The following CHD6 variants were observed in gnomAD, a reference collection of about 807,000 sequenced individuals.
CHD6 encodes the protein ATP-dependent chromatin remodeler CHD6.
CHD6 carries 50 observed loss-of-function variants against 276.9 expected under a neutral mutation model. That is an observed-to-expected ratio of 0.18 (90% CI 0.14 to 0.23). The LOEUF (loss-of-function observed/expected upper bound fraction) is 0.23, where lower values mean the gene tolerates loss of function less well. Ranked by LOEUF, CHD6 falls within the 10% of genes least tolerant of loss-of-function variation. The pLI, the probability that CHD6 is intolerant of heterozygous loss-of-function variation, is 1.00. For missense variants in CHD6, 2,564 were observed against 3,365.8 expected, an observed-to-expected ratio of 0.76 and a Z score of 5.89; for synonymous variants, 1,173 against 1,229.3, an observed-to-expected ratio of 0.95 and a Z score of 0.96.
chr20:41,616,481 G>T (rs2045935660), intron 1 of CHD6, among the ~76,000 whole-genome samples: 1 of 152,144 alleles, frequency 6.6e-6, no homozygotes. Context: ...CTATGGTCTG[G>T]TTACTATTAG....
At position 41,412,263 on chromosome 20, in the gene CHD6, T is replaced by C; in HGVS notation, c.7132A>G (p.Asn2378Asp). The C allele has an allele frequency of 6.2e-7, 1 of 1,614,098 alleles. No individual in the cohort carries two copies. The highest frequency in any genetic ancestry group is 8.5e-7 in the Non-Finnish European group (1 of 1,180,008). The change falls in exon 36 of 37, where the codon AAT (asparagine) becomes GAT (aspartate). Residue 2378 changes from asparagine to aspartate, a missense_variant and splice_region_variant. Around this residue, in one of 7 missense-constraint regions of CHD6, gnomAD observed 1,024 missense variants for 1,047.9 expected, o/e 0.98. Transcript: ENST00000373233. ...CTCTGCTTTGGTTTGTCTGAAAAAT[T>C]CTAGGATGAAAACGGAGACCAATAT... ...YSLEVPGFGA[N>D]FSDKPKQRRP...
At chr20:41,424,141 T>G (rs2047286233) in intron 29 of CHD6, among the ~76,000 whole-genome samples, 1 of 152,212 alleles carries the variant, frequency 6.6e-6, no homozygotes, top group Non-Finnish European at 1.5e-5. Flanking sequence ...GACCATTAAA[T>G]TCAACCTCCT....
intron 1 of CHD6, among the ~76,000 whole-genome samples, chr20:41,588,305 GC>G (rs1356760872): frequency 1.3e-5 from 2 of 152,174 alleles, no homozygotes; most frequent in African/African-American, 4.8e-5. Flanking sequence ...CATCTGAGTT[GC>G]GCTGGCACTG....
chr20:41,548,188 C>T (rs1272778652), intron 2 of CHD6, among the ~76,000 whole-genome samples: 1 of 152,202 alleles, frequency 6.6e-6, no homozygotes, highest in African/African-American at 2.4e-5. Flanking sequence ...GGCCTACCAT[C>T]AGTATTTATA....
Position 41,425,163 on chromosome 20 carries a change from G to A in CHD6, c.4346+15C>T, listed in dbSNP as rs369431708. 5.0e-6 allele frequency: 8 copies of A among 1,610,028 alleles called. No individual in the cohort carries two copies. The highest frequency in any genetic ancestry group is 6.8e-6 in the Non-Finnish European group (8 of 1,176,400). ...GTGGGTGGCTGAGCATGCCCCTTTG[G>A]CCACTGGCTTTTACCTCTTTTGGGC... On this transcript the variant is annotated intron_variant, in intron 29 of 36. Coordinates refer to ENST00000373233, the MANE Select transcript of CHD6 (RefSeq NM_032221.5).
At chr20:41,596,458 G>A (rs2045718491) in intron 1 of CHD6, among the ~76,000 whole-genome samples, 1 of 151,996 alleles carries the variant, frequency 6.6e-6, no homozygotes, top group African/African-American at 2.4e-5. Context: ...CTTTTCGAGG[G>A]AGGAAAGAAC....
At chr20:41,557,423 T>A (rs1389050863) in intron 1 of CHD6, among the ~76,000 whole-genome samples, 2 of 152,034 alleles carry the variant, frequency 1.3e-5, no homozygotes, top group African/African-American at 2.4e-5. Context: ...TTTTTTTTTT[T>A]AAATTACTAT....
At chr20:41,553,437 AT>A (rs1478397441) in intron 1 of CHD6, among the ~76,000 whole-genome samples, 1 of 152,236 alleles carries the variant, frequency 6.6e-6, no homozygotes, top group Non-Finnish European at 1.5e-5. Context: ...CTCATAGCCT[AT>A]GCCCATTCCT....
At chr20:41,436,805 G>C (rs2047723731) in intron 27 of CHD6, among the ~76,000 whole-genome samples, 1 of 152,140 alleles carries the variant, frequency 6.6e-6, no homozygotes, top group South Asian at 2.1e-4. Flanking sequence ...TTCTTAAAAT[G>C]ACGAAATCAT....
At chr20:41,410,718 A>C (rs944197785) in intron 36 of CHD6, among the ~76,000 whole-genome samples, 5 of 152,152 alleles carry the variant, frequency 3.3e-5, no homozygotes, top group Non-Finnish European at 7.4e-5. Context: ...TTTCTGGCAA[A>C]GGGTCAGCAT....
chr20:41,543,593 A>G (rs910051806), intron 2 of CHD6, among the ~76,000 whole-genome samples: 3 of 152,218 alleles, frequency 2.0e-5, no homozygotes, highest in Non-Finnish European at 4.4e-5. Flanking sequence ...TTAAGTGGAC[A>G]TATATTAAAT....
intron 1 of CHD6, among the ~76,000 whole-genome samples, chr20:41,600,155 G>A (rs1437428311): frequency 6.6e-6 from 1 of 152,114 alleles, no homozygotes; most frequent in Non-Finnish European, 1.5e-5. Context: ...TTGATGGCAG[G>A]AACTGTATTT....
chr20:41,484,927 A>T (rs2043376722), intron 14 of CHD6, among the ~76,000 whole-genome samples: 1 of 152,190 alleles, frequency 6.6e-6, no homozygotes, highest in South Asian at 2.1e-4. Flanking sequence ...TCTCTAATAC[A>T]CACACCACAT....
intron 1 of CHD6, among the ~76,000 whole-genome samples, chr20:41,602,826 T>G (rs1192911597): frequency 6.6e-6 from 1 of 152,010 alleles, no homozygotes; most frequent in Non-Finnish European, 1.5e-5. Context: ...GATCTACAGG[T>G]GCACACCACC....
chr20:41,509,367 T>G (rs1321310511), intron 5 of CHD6, among the ~76,000 whole-genome samples: 2 of 152,150 alleles, frequency 1.3e-5, no homozygotes, highest in Non-Finnish European at 2.9e-5. Context: ...AATCCTACAC[T>G]AACATAACTC....
Position 41,473,367 on chromosome 20 carries a change from G to A in CHD6, c.2619C>T (p.Thr873=), listed in dbSNP as rs1318987142. 2 of 1,614,070 alleles carry A rather than the reference G, an allele frequency of 1.2e-6. No homozygotes were observed. Among genetic ancestry groups the A allele is most frequent in the Non-Finnish European group, 8.5e-7 (1 of 1,179,990 alleles). The stretch of plus-strand genomic sequence containing the variant: ...TCCAGTCAGAATCAAATATGATGCA[G>A]GTATCAGCAGCTGTGAGATTGATCC... The part of the protein sequence containing the change: ...GLGINLTAAD[T]CIIFDSDWNP... The change falls in exon 17 of 37, where the codon ACC becomes ACT. Residue 873 remains threonine (T), a synonymous_variant. Transcript: ENST00000373233. This position sits in a 1 kb window ranked among gnomAD's most constrained non-coding sequence, Gnocchi z 4.1.
At chr20:41,604,902 G>T (rs2146293837) in intron 1 of CHD6, among the ~76,000 whole-genome samples, 1 of 152,218 alleles carries the variant, frequency 6.6e-6, no homozygotes, top group Non-Finnish European at 1.5e-5. Context: ...CAGGATCCTT[G>T]ACTGGATCCT....
intron 3 of CHD6, among the ~76,000 whole-genome samples, chr20:41,525,937 C>T (rs1472295350): frequency 6.6e-6 from 1 of 152,074 alleles, no homozygotes; most frequent in Non-Finnish European, 1.5e-5. Context: ...ATAAAAGTAC[C>T]TCAATGACTA....
In CHD6 at chr20:41,437,333, C is replaced by T. The variant is rs1454535613; in HGVS notation, c.4009G>A (p.Gly1337Ser). The change falls in exon 27 of 37, where the codon GGC becomes AGC. Residue 1337 changes from glycine (G) to serine (S), a missense_variant and splice_region_variant. By Grantham distance (56) the Gly-to-Ser change is moderately conservative. Coordinates refer to ENST00000373233, the MANE Select transcript of CHD6 (RefSeq NM_032221.5). ...TDGTSDIPER[G>S]NTDKEDNAED... ...GCATTGTCTTCTTTATCTGTGTTGC[C>T]TCTAAATAAAAGTAAAAAAAGGCAT... 3.1e-6 allele frequency: 5 copies of T among 1,610,564 alleles called. No homozygotes were observed. Among genetic ancestry groups the T allele is most frequent in the Non-Finnish European group, 4.2e-6 (5 of 1,178,746 alleles).
Sources: allele counts gnomAD v4.1 joint callset (sites outside exome capture counted in the v4.1 genomes callset), GRCh38; gene constraint gnomAD v4.1.1; regional missense constraint gnomAD v4.1.1; non-coding constraint Gnocchi (gnomAD v3.1); transcripts MANE v1.5; gene names NCBI Gene and HGNC (gene_info 2026-07-23, HGNC 2026-07-21).